The following MRPL48 variants were observed in gnomAD, a reference collection of about 807,000 sequenced individuals.
MRPL48 encodes large ribosomal subunit protein mL48.
In MRPL48, 16 loss-of-function variants were observed where a neutral mutation model predicts 32.9. The ratio of observed to expected loss-of-function variants is 0.49; its 90% CI spans 0.33 to 0.74. MRPL48 has a LOEUF of 0.74. Among genes scored for constraint, MRPL48 ranks in the 30% least tolerant of loss-of-function variants. The pLI, the probability that MRPL48 is intolerant of heterozygous loss-of-function variation, is 0.02. For missense variants in MRPL48, 206 were observed against 245.3 expected (o/e 0.84, Z 1.07); for synonymous variants, 94 against 89.2 (o/e 1.05, Z -0.31).
rs201680435 is a variant in MRPL48 at position 73,863,228 on chromosome 11, T to G, written c.531T>G (p.Ser177Arg). ...TTTTCTTGGAAATAATCCAAAGCAG[T>G]CTTCCTGAAGGAGTCAGACTGTCAG... Reference protein sequence around the residue: ...AEIFLEIIQSSLPEGVRLSVK... With the variant: ...AEIFLEIIQSRLPEGVRLSVK... Residue 177 changes from serine to arginine, a missense_variant, in exon 7 of 8, where the codon AGT becomes AGG. Coordinates refer to ENST00000310614, the MANE Select transcript of MRPL48 (RefSeq NM_016055.6). The G allele has an allele frequency of 2.5e-6, 4 of 1,575,366 alleles. No homozygotes were observed. The African/African-American group carries it at 5.4e-5, about 21-fold the overall frequency.
chr11:73,812,736 A>ATATATATATT (rs1947590561), intron 3 of MRPL48, among the ~76,000 whole-genome samples: 1 of 138,880 alleles, frequency 7.2e-6, no homozygotes, highest in African/African-American at 2.7e-5. Flanking sequence ...ATATATATAT[A>ATATATATATT]TATATTTATT....
intron 4 of MRPL48, among the ~76,000 whole-genome samples, chr11:73,827,533 G>A (rs747967285): frequency 9.9e-5 from 15 of 151,884 alleles, no homozygotes; most frequent in Non-Finnish European, 1.9e-4. Flanking sequence ...CTTTTGGGGT[G>A]GATACAGCAT....
chr11:73,815,894 T>TA (rs1165148690), intron 3 of MRPL48, among the ~76,000 whole-genome samples: 44 of 136,208 alleles, frequency 3.2e-4, no homozygotes, highest in Non-Finnish European at 5.4e-4. Context: ...TGACTTTTAT[T>TA]TTTTTTTTTT....
chr11:73,837,089 G>A lies in MRPL48; in HGVS notation c.202-7718G>A, dbSNP rs543721871. ...CCCCAAATCATTCAAATCCTCGGGT[G>A]TAAATTTTGTTATTTTCATCACTAG... On this transcript the variant is annotated intron_variant, in intron 4 of 7. Transcript: ENST00000310614. Among the ~76,000 whole-genome samples the A allele has an allele frequency of 8.5e-5, 13 of 152,314 alleles. No homozygotes were observed. The South Asian group carries it at 2.5e-3, about 29-fold the overall frequency.
At chr11:73,812,089 T>C (rs140865166) in intron 3 of MRPL48, among the ~76,000 whole-genome samples, 1 of 152,122 alleles carries the variant, frequency 6.6e-6, no homozygotes, top group Non-Finnish European at 1.5e-5. Context: ...GGTTTCACCG[T>C]GTTAGCCAGG....
At chr11:73,826,396 A>G (rs1369372017) in intron 4 of MRPL48, among the ~76,000 whole-genome samples, 1 of 152,194 alleles carries the variant, frequency 6.6e-6, no homozygotes, top group Non-Finnish European at 1.5e-5. Context: ...TCATAATGGA[A>G]ATGATAATTC....
chr11:73,846,706 A>C (rs1590994377), intron 5 of MRPL48, among the ~76,000 whole-genome samples: 2 of 143,266 alleles, frequency 1.4e-5, no homozygotes, highest in Non-Finnish European at 1.5e-5. Flanking sequence ...TCTCTCTCCC[A>C]CCCAGCCTGG....
chr11:73,844,094 T>C (rs1384872006), intron 4 of MRPL48, among the ~76,000 whole-genome samples: 1 of 151,080 alleles, frequency 6.6e-6, no homozygotes, highest in Non-Finnish European at 1.5e-5. Context: ...AAAAAAAATA[T>C]TGGGGGGCTC....
chr11:73,835,140 C>CTTTT (rs35448499), intron 4 of MRPL48, among the ~76,000 whole-genome samples: 1,280 of 108,404 alleles, frequency 0.012, 69 homozygotes, highest in South Asian at 0.031. Context: ...GCCATGTTGT[C>CTTTT]TTTTTTTTTT....
At chr11:73,790,823 G>A (rs1309369823) in intron 1 of MRPL48, among the ~76,000 whole-genome samples, 9 of 151,570 alleles carry the variant, frequency 5.9e-5, no homozygotes, top group Admixed American at 5.9e-4. Flanking sequence ...CACCACTCCT[G>A]GATGAAACCT....
At chr11:73,859,782 G>A in intron 5 of MRPL48, 125 bp from the exon 6 acceptor site, 3 of 718,898 alleles carry the variant, frequency 4.2e-6, no homozygotes, top group East Asian at 5.5e-5. Flanking sequence ...CCTGGTTGCA[G>A]ATAAGCATCC....
At chr11:73,837,972 C>G (rs2135039181) in intron 4 of MRPL48, among the ~76,000 whole-genome samples, 1 of 152,304 alleles carries the variant, frequency 6.6e-6, no homozygotes, top group South Asian at 2.1e-4. Flanking sequence ...CTGCCTCAGC[C>G]TCCTGAGTAT....
intron 1 of MRPL48, among the ~76,000 whole-genome samples, chr11:73,798,137 G>A (rs998809723): frequency 9.2e-5 from 14 of 152,156 alleles, no homozygotes; most frequent in Admixed American, 2.6e-4. Flanking sequence ...GAGGGCAGTG[G>A]CATAATCTCG....
intron 4 of MRPL48, among the ~76,000 whole-genome samples, chr11:73,835,558 A>C (rs1431233085): frequency 6.6e-6 from 1 of 152,220 alleles, no homozygotes; most frequent in East Asian, 1.9e-4. Flanking sequence ...AATATATAGT[A>C]GTAACAGTAA....
chr11:73,810,469 C>A (rs192175847), intron 3 of MRPL48, among the ~76,000 whole-genome samples: 3 of 151,912 alleles, frequency 2.0e-5, no homozygotes. Flanking sequence ...TGCAGTGAGC[C>A]GAGATCGTGC....
At chr11:73,798,273 C>T (rs1380116277) in intron 1 of MRPL48, among the ~76,000 whole-genome samples, 1 of 151,494 alleles carries the variant, frequency 6.6e-6, no homozygotes, top group East Asian at 1.9e-4. Context: ...ATACAAAATA[C>T]AGCCTTTTAC....
intron 3 of MRPL48, among the ~76,000 whole-genome samples, chr11:73,814,570 C>T (rs967521457): frequency 1.3e-5 from 2 of 151,754 alleles, no homozygotes; most frequent in Non-Finnish European, 2.9e-5. Context: ...TGATGCATGC[C>T]TGTAATCCCA....
At chr11:73,828,330 G>A (rs1048128502) in intron 4 of MRPL48, among the ~76,000 whole-genome samples, 4 of 151,188 alleles carry the variant, frequency 2.6e-5, no homozygotes, top group African/African-American at 9.7e-5. Flanking sequence ...GCTCAAGAGA[G>A]CCTCCCATCT....
intron 6 of MRPL48, chr11:73,860,351 C>A: frequency 5.9e-6 from 1 of 168,786 alleles, no homozygotes; most frequent in Non-Finnish European, 1.3e-5. Context: ...TCTGTCTATG[C>A]AAAATTAGTT....
Sources: gnomAD v4.1 joint callset for allele counts (sites outside exome capture counted in the v4.1 genomes callset) on GRCh38, gnomAD v4.1.1 for gene constraint, MANE v1.5 for transcripts, NCBI Gene and HGNC (gene_info 2026-07-23, HGNC 2026-07-21) for gene names.